Variants in PCDHGB5 observed in about 807,000 individuals in gnomAD.
PCDHGB5 encodes the protein protocadherin gamma subfamily B, 5.
In PCDHGB5, 48 loss-of-function variants were observed where a neutral mutation model predicts 62.9. The ratio of observed to expected loss-of-function variants is 0.76; its 90% CI spans 0.61 to 0.97. The LOEUF (loss-of-function observed/expected upper bound fraction) is 0.97, where lower values mean the gene tolerates loss of function less well. PCDHGB5 is among the 50% of genes least tolerant of loss of function. PCDHGB5 has a pLI of 0.00. For synonymous variants in PCDHGB5, 474 were observed against 511.2 expected (o/e 0.93, Z 0.98); for missense variants, 1,118 against 1,198.6 (o/e 0.93, Z 0.99).
intron 1 of PCDHGB5, chr5:141,412,489 T>C (rs1292155082): frequency 6.6e-6 from 1 of 152,176 alleles, no homozygotes; most frequent in East Asian, 1.9e-4. Context: ...TCTTACACAA[T>C]CCTAAGCTAA....
intron 1 of PCDHGB5, chr5:141,423,397 C>A: frequency 1.9e-6 from 3 of 1,614,146 alleles, no homozygotes; most frequent in Non-Finnish European, 2.5e-6. Context: ...GCATAAGTCA[C>A]GCCTGCTGCA....
chr5:141,511,276 T>A lies in PCDHGB5; in HGVS notation c.*103T>A. ...AGAGTTTCAGGGCTAACCCCCAGAA[T>A]ACTGGTAGGGGCCAAGGCCATGCTC... On this transcript the variant is annotated 3_prime_UTR_variant, in exon 4 of 4. Coordinates refer to ENST00000617380, the MANE Select transcript of PCDHGB5 (RefSeq NM_018925.3). 6.5e-7 allele frequency: 1 copy of A among 1,538,086 alleles called. No homozygotes were observed. Among genetic ancestry groups the A allele is most frequent in the Non-Finnish European group, 8.8e-7 (1 of 1,140,722 alleles).
intron 1 of PCDHGB5, among the ~76,000 whole-genome samples, chr5:141,452,137 GT>G (rs2098734666): frequency 6.6e-6 from 1 of 152,044 alleles, no homozygotes; most frequent in Non-Finnish European, 1.5e-5. Flanking sequence ...TGGCTCATGT[GT>G]TTTTTCCAAT....
intron 1 of PCDHGB5, chr5:141,415,938 C>T (rs1351429284): frequency 3.4e-6 from 2 of 588,200 alleles, no homozygotes; most frequent in East Asian, 4.2e-5. Context: ...ATATTTCCTC[C>T]TGGGTGGTCA....
rs150897033 is a variant in PCDHGB5, at chr5:141,453,434, G to C, written c.2398-41373G>C. Among the ~76,000 whole-genome samples the C allele has an allele frequency of 3.9e-3, 592 of 151,994 alleles. 6 individuals are homozygous for C. The highest frequency in any genetic ancestry group is 0.011 in the Admixed American group (171 of 15,256). On this transcript the variant is annotated intron_variant, in intron 1 of 3. Coordinates refer to ENST00000617380, the MANE Select transcript of PCDHGB5 (RefSeq NM_018925.3). Reference sequence around the variant, plus strand: ...GGCATAAGCCACCACACCTAGCCTAGTATTCTTTTTTGAATATGTAAAACA... The same window carrying C: ...GGCATAAGCCACCACACCTAGCCTACTATTCTTTTTTGAATATGTAAAACA...
chr5:141,477,710 GA>G lies in PCDHGB5; in HGVS notation c.2398-17095del. ...GCCCCTAGACTATGAGGATCGGCGG[GA>G]ATTTGAATTAACAGCTCATATCAGC... On this transcript the variant is annotated intron_variant, in intron 1 of 3. Coordinates refer to ENST00000617380, the MANE Select transcript of PCDHGB5 (RefSeq NM_018925.3). This position sits in a 1 kb window ranked among gnomAD's most constrained non-coding sequence, Gnocchi z 4.9. 2 of 1,613,918 alleles carry G rather than the reference GA, an allele frequency of 1.2e-6. No individual in the cohort carries two copies. Among genetic ancestry groups the G allele is most frequent in the Non-Finnish European group, 1.7e-6 (2 of 1,180,044 alleles).
chr5:141,450,278 G>C (rs977381598), intron 1 of PCDHGB5, among the ~76,000 whole-genome samples: 1 of 152,026 alleles, frequency 6.6e-6, no homozygotes, highest in African/African-American at 2.4e-5. Flanking sequence ...TCAGCTAAGT[G>C]CTGGGATTAC....
intron 1 of PCDHGB5, among the ~76,000 whole-genome samples, chr5:141,433,553 T>C (rs530467777): frequency 1.3e-5 from 2 of 151,614 alleles, no homozygotes; most frequent in African/African-American, 4.8e-5. Flanking sequence ...TATTCTTTTC[T>C]GGCTGGGCGC....
At chr5:141,414,533 C>A in intron 1 of PCDHGB5, 1 of 1,613,960 alleles carries the variant, frequency 6.2e-7, no homozygotes, top group Non-Finnish European at 8.5e-7. Context: ...AATGACAACC[C>A]ACCTACCTTC....
rs118080774 is a variant in PCDHGB5, at chr5:141,422,026, G to A, written c.2397+21502G>A. On this transcript the variant is annotated intron_variant, in intron 1 of 3. Coordinates refer to ENST00000617380, the MANE Select transcript of PCDHGB5 (RefSeq NM_018925.3). ...CGGAACTCGGGTGCTGATGGTTAAT[G>A]CAACGGATCCAGACGAGGGAATCAA... 69 of 1,611,394 alleles carry A rather than the reference G, an allele frequency of 4.3e-5. No individual in the cohort carries two copies. The East Asian group carries it at 1.4e-3, about 32-fold the overall frequency.
chr5:141,432,104 C>T lies in PCDHGB5; in HGVS notation c.2397+31580C>T. The stretch of plus-strand genomic sequence containing the variant: ...GAACGTGGCAGACACCAACGACAAC[C>T]CGCCGGTCTTCCCTCAGGCCTCCTA... On this transcript the variant is annotated intron_variant, in intron 1 of 3. Coordinates refer to ENST00000617380, the MANE Select transcript of PCDHGB5 (RefSeq NM_018925.3). This position sits in a 1 kb window ranked among gnomAD's most constrained non-coding sequence, Gnocchi z 6.0. 1 of 1,614,204 alleles carries T rather than the reference C, an allele frequency of 6.2e-7. No individual in the cohort carries two copies. The highest frequency in any genetic ancestry group is 1.7e-5 in the Admixed American group (1 of 60,026).
chr5:141,495,603 C>T (rs2099762369), intron 2 of PCDHGB5, among the ~76,000 whole-genome samples: 1 of 152,238 alleles, frequency 6.6e-6, no homozygotes, highest in Non-Finnish European at 1.5e-5. Flanking sequence ...TAGCTTCCGT[C>T]TTGATTGCTG....
At position 141,399,048 on chromosome 5, in the gene PCDHGB5, G is replaced by T. The variant is rs779434482; in HGVS notation, c.921G>T (p.Glu307Asp). 1 of 1,613,830 alleles carries T rather than the reference G, an allele frequency of 6.2e-7. No individual in the cohort carries two copies. Among genetic ancestry groups the T allele is most frequent in the East Asian group, 2.2e-5 (1 of 44,892 alleles). Reference protein sequence around the residue: ...ITTQKKLDFEETKEYSMVVEG... With the variant: ...ITTQKKLDFEDTKEYSMVVEG... ...CTCAAAAGAAACTGGATTTTGAAGA[G>T]ACCAAGGAATATTCAATGGTTGTAG... Residue 307 changes from glutamate (E) to aspartate (D), a missense_variant, in exon 1 of 4, where the codon GAG (glutamate) becomes GAT (aspartate). Transcript: ENST00000617380.
chr5:141,455,143 T>C (rs984886337), intron 1 of PCDHGB5, among the ~76,000 whole-genome samples: 1 of 149,894 alleles, frequency 6.7e-6, no homozygotes, highest in Non-Finnish European at 1.5e-5. Flanking sequence ...CTGTGTTAAA[T>C]AAATATTAGT....
chr5:141,481,509 T>C (rs2154578624), intron 1 of PCDHGB5, among the ~76,000 whole-genome samples: 2 of 152,326 alleles, frequency 1.3e-5, no homozygotes, highest in Middle Eastern at 3.4e-3. Context: ...GTATGTGAAT[T>C]ATGTCTCAGT....
At chr5:141,422,167 A>G in intron 1 of PCDHGB5, 1 of 1,562,764 alleles carries the variant, frequency 6.4e-7, no homozygotes, top group Non-Finnish European at 8.6e-7. Context: ...TGAAAAATAT[A>G]GATTCTATGA....
chr5:141,437,715 C>T (rs2097903335), intron 1 of PCDHGB5, among the ~76,000 whole-genome samples: 1 of 151,772 alleles, frequency 6.6e-6, no homozygotes, highest in Non-Finnish European at 1.5e-5. Context: ...ACACAGTTAC[C>T]CTCTAATGTT....
chr5:141,473,700 C>G (rs1474416849), intron 1 of PCDHGB5, among the ~76,000 whole-genome samples: 1 of 152,148 alleles, frequency 6.6e-6, no homozygotes, highest in Non-Finnish European at 1.5e-5. Context: ...GACCACCCTC[C>G]AAGTGGTGCA....
At chr5:141,428,102 G>T (rs774075619) in intron 1 of PCDHGB5, 38 of 1,608,516 alleles carry the variant, frequency 2.4e-5, no homozygotes, top group Non-Finnish European at 3.2e-5. Flanking sequence ...CCTACCACGT[G>T]CTGCAGGCCA....
Sources: allele counts gnomAD v4.1 joint callset (sites outside exome capture counted in the v4.1 genomes callset), GRCh38; gene constraint gnomAD v4.1.1; non-coding constraint Gnocchi (gnomAD v3.1); transcripts MANE v1.5; gene names NCBI Gene and HGNC (gene_info 2026-07-23, HGNC 2026-07-21).